Variants in TSPAN5 observed in about 807,000 individuals in gnomAD.
The protein encoded by TSPAN5 is tetraspanin 5, also known as tetraspanin-5.
A neutral mutation model predicts 37.1 loss-of-function variants in TSPAN5; 10 were observed. The ratio of observed to expected loss-of-function variants is 0.27; its 90% CI spans 0.17 to 0.46. TSPAN5 has a LOEUF of 0.46. Among genes scored for constraint, TSPAN5 ranks in the 20% least tolerant of loss-of-function variants. The pLI is 1.00. For missense variants in TSPAN5, 195 were observed against 326.6 expected, an observed-to-expected ratio of 0.60 and a Z score of 3.11; for synonymous variants, 110 against 118.9, an observed-to-expected ratio of 0.93 and a Z score of 0.48.
At chr4:98,557,002 T>G (rs564102948) in intron 1 of TSPAN5, among the ~76,000 whole-genome samples, 22 of 152,320 alleles carry the variant, frequency 1.4e-4, no homozygotes, top group African/African-American at 5.3e-4. Context: ...ATTACCACAT[T>G]GTATTATAAT....
intron 1 of TSPAN5, among the ~76,000 whole-genome samples, chr4:98,592,056 T>C (rs1579014985): frequency 6.6e-6 from 1 of 151,978 alleles, no homozygotes; most frequent in Non-Finnish European, 1.5e-5. Flanking sequence ...TACACACATA[T>C]CCTCGATTTT....
At chr4:98,648,817 T>G (rs1757121951) in intron 1 of TSPAN5, among the ~76,000 whole-genome samples, 1 of 152,246 alleles carries the variant, frequency 6.6e-6, no homozygotes, top group Non-Finnish European at 1.5e-5. Context: ...CTAAAGCTTC[T>G]CAAACTCAGC....
chr4:98,511,120 T>G (rs1753596180), intron 1 of TSPAN5, among the ~76,000 whole-genome samples: 1 of 152,122 alleles, frequency 6.6e-6, no homozygotes, highest in African/African-American at 2.4e-5. Flanking sequence ...TGGAAAAAAA[T>G]ATATCTGAGG....
chr4:98,650,828 T>C (rs948394735), intron 1 of TSPAN5, among the ~76,000 whole-genome samples: 1 of 152,210 alleles, frequency 6.6e-6, no homozygotes, highest in Non-Finnish European at 1.5e-5. Flanking sequence ...GAGAGCAAGA[T>C]GGTGCTCAAA....
intron 2 of TSPAN5, among the ~76,000 whole-genome samples, chr4:98,499,582 TGAA>T (rs1753294643): frequency 5.9e-5 from 9 of 151,864 alleles, no homozygotes; most frequent in Admixed American, 5.9e-4. Flanking sequence ...CATGTGTGTG[TGAA>T]ACATTACTGA....
At chr4:98,514,300 G>C (rs1006661315) in intron 1 of TSPAN5, among the ~76,000 whole-genome samples, 11 of 152,154 alleles carry the variant, frequency 7.2e-5, no homozygotes, top group African/African-American at 1.9e-4. Flanking sequence ...TATATTTTCT[G>C]ACACTTTAGT....
intron 1 of TSPAN5, among the ~76,000 whole-genome samples, chr4:98,617,524 C>T (rs1756368824): frequency 6.6e-6 from 1 of 152,212 alleles, no homozygotes; most frequent in African/African-American, 2.4e-5. Flanking sequence ...TACTGCTCTA[C>T]ACAAGCCAGA....
intron 1 of TSPAN5, among the ~76,000 whole-genome samples, chr4:98,548,808 G>A (rs990813655): frequency 6.6e-6 from 1 of 152,014 alleles, no homozygotes. Flanking sequence ...TTTTACTGAT[G>A]ATAAAGGCCT....
intron 1 of TSPAN5, among the ~76,000 whole-genome samples, chr4:98,523,256 TG>T (rs1276759028): frequency 6.6e-6 from 1 of 152,202 alleles, no homozygotes; most frequent in African/African-American, 2.4e-5. Flanking sequence ...GCATGAGGGA[TG>T]TGAATAAGCG....
At chr4:98,595,484 A>T in intron 1 of TSPAN5, among the ~76,000 whole-genome samples, 1 of 114,780 alleles carries the variant, frequency 8.7e-6, no homozygotes, top group African/African-American at 4.1e-5. Flanking sequence ...CTAGCTTTTG[A>T]ATGTGTTTGC....
At chr4:98,486,532 G>A (rs1368396731) in intron 3 of TSPAN5, 11 of 549,336 alleles carry the variant, frequency 2.0e-5, no homozygotes, top group Middle Eastern at 4.6e-4. Context: ...TGGCATGGTG[G>A]GGTGGTGGGG....
At chr4:98,567,198 A>G (rs116821691) in intron 1 of TSPAN5, among the ~76,000 whole-genome samples, 301 of 152,294 alleles carry the variant, frequency 2.0e-3, no homozygotes, top group Middle Eastern at 0.014. Context: ...AGAAGTGCAA[A>G]ATACATTCCC....
intron 1 of TSPAN5, among the ~76,000 whole-genome samples, chr4:98,567,972 GACAACA>G (rs1755044612): frequency 6.6e-6 from 1 of 152,088 alleles, no homozygotes; most frequent in African/African-American, 2.4e-5. Context: ...AAATGGGGAT[GACAACA>G]GGATCTACTT....
At chr4:98,565,670 G>A (rs554036226) in intron 1 of TSPAN5, among the ~76,000 whole-genome samples, 3 of 152,246 alleles carry the variant, frequency 2.0e-5, no homozygotes, top group African/African-American at 4.8e-5. Context: ...TTGTTATGGG[G>A]ACCAAAAAGC....
At chr4:98,547,102 A>T (rs1754487734) in intron 1 of TSPAN5, among the ~76,000 whole-genome samples, 1 of 152,104 alleles carries the variant, frequency 6.6e-6, no homozygotes, top group Non-Finnish European at 1.5e-5. Context: ...GGGCTAAAAG[A>T]AACACCTCGC....
intron 1 of TSPAN5, among the ~76,000 whole-genome samples, chr4:98,622,147 T>C (rs1045793253): frequency 4.6e-5 from 7 of 152,220 alleles, no homozygotes; most frequent in Non-Finnish European, 7.3e-5. Flanking sequence ...TGGCACGATC[T>C]TGGCTCACTG....
chr4:98,543,182 T>C (rs1041830918), intron 1 of TSPAN5, among the ~76,000 whole-genome samples: 1 of 151,912 alleles, frequency 6.6e-6, no homozygotes, highest in Non-Finnish European at 1.5e-5. Context: ...CCCTCATCAT[T>C]TTCATTGACT....
chr4:98,627,474 G>A (rs1756634318), intron 1 of TSPAN5, among the ~76,000 whole-genome samples: 1 of 151,554 alleles, frequency 6.6e-6, no homozygotes, highest in East Asian at 1.9e-4. Context: ...CAAATGATCT[G>A]TGAATAAAAT....
chr4:98,634,426 A>G (rs955238826), intron 1 of TSPAN5, among the ~76,000 whole-genome samples: 6 of 151,920 alleles, frequency 3.9e-5, no homozygotes, highest in African/African-American at 1.4e-4. Context: ...CAAATTTTCT[A>G]GAAAAATTTC....
Sources: gnomAD v4.1 joint callset for allele counts (sites outside exome capture counted in the v4.1 genomes callset) on GRCh38, gnomAD v4.1.1 for gene constraint, MANE v1.5 for transcripts, NCBI Gene and HGNC (gene_info 2026-07-23, HGNC 2026-07-21) for gene names.